Variants in KALRN observed in about 807,000 individuals in gnomAD.
The protein encoded by KALRN is kalirin.
In KALRN, 70 loss-of-function variants were observed where a neutral mutation model predicts 353.7. The ratio of observed to expected loss-of-function variants is 0.20; its 90% CI spans 0.16 to 0.24. The LOEUF (loss-of-function observed/expected upper bound fraction) is 0.24, where lower values mean the gene tolerates loss of function less well. KALRN is among the 10% of genes least tolerant of loss of function. KALRN has a pLI of 1.00. For synonymous variants in KALRN, 1,391 were observed against 1,434.8 expected (o/e 0.97, Z 0.69); for missense variants, 2,791 against 3,756.7 (o/e 0.74, Z 6.72).
At chr3:124,438,247 T>C (rs1278993394) in intron 17 of KALRN, among the ~76,000 whole-genome samples, 7 of 152,224 alleles carry the variant, frequency 4.6e-5, no homozygotes, top group Non-Finnish European at 8.8e-5. Context: ...TAGCATGACC[T>C]CTCAGCATCT....
At chr3:124,632,750 C>T (rs200142585) in intron 35 of KALRN, 47 bp downstream of exon 35, 26 of 1,548,300 alleles carry the variant, frequency 1.7e-5, no homozygotes, top group East Asian at 2.3e-5. Flanking sequence ...GGCCTTCTGA[C>T]ATGTCTCCTT....
chr3:124,518,427 C>T, intron 33 of KALRN: 1 of 1,614,178 alleles, frequency 6.2e-7, no homozygotes, highest in Non-Finnish European at 8.5e-7. Flanking sequence ...TCGGTGGCAC[C>T]TGGGACCTGG....
At chr3:124,541,444 T>G (rs1276362887) in intron 33 of KALRN, among the ~76,000 whole-genome samples, 1 of 151,850 alleles carries the variant, frequency 6.6e-6, no homozygotes, top group African/African-American at 2.4e-5. Context: ...AGTGAGACTC[T>G]ATCTCAAAAA....
At chr3:124,091,099 C>T (rs1047646733) in intron 1 of KALRN, among the ~76,000 whole-genome samples, 17 of 152,226 alleles carry the variant, frequency 1.1e-4, no homozygotes, top group South Asian at 8.3e-4. Flanking sequence ...TTCCACTCCA[C>T]CACTTGGGCG....
At chr3:124,454,759 A>G (rs1366673526) in intron 21 of KALRN, among the ~76,000 whole-genome samples, 1 of 152,200 alleles carries the variant, frequency 6.6e-6, no homozygotes, top group Non-Finnish European at 1.5e-5. Flanking sequence ...CATACGGAAT[A>G]ACAACTATTT....
At chr3:124,644,374 C>T (rs2082452069) in intron 37 of KALRN, among the ~76,000 whole-genome samples, 1 of 151,834 alleles carries the variant, frequency 6.6e-6, no homozygotes, top group Admixed American at 6.6e-5. Context: ...ATGTGCAGAG[C>T]GTGCAGGTTT....
chr3:124,305,252 C>G (rs2077592418), intron 6 of KALRN, among the ~76,000 whole-genome samples: 1 of 152,148 alleles, frequency 6.6e-6, no homozygotes, highest in Non-Finnish European at 1.5e-5. Flanking sequence ...CAAAAATGCT[C>G]TTAGGGAGGT....
At chr3:124,051,903 G>A (rs939235168) in intron 1 of KALRN, among the ~76,000 whole-genome samples, 5 of 152,158 alleles carry the variant, frequency 3.3e-5, no homozygotes, top group East Asian at 1.9e-4. Flanking sequence ...GCTGGGTTTC[G>A]GAAGAACAGT....
At chr3:124,152,686 C>T (rs779812780) in intron 1 of KALRN, among the ~76,000 whole-genome samples, 6 of 150,432 alleles carry the variant, frequency 4.0e-5, no homozygotes, top group Middle Eastern at 3.5e-3. Context: ...CTCTGCTGCC[C>T]GGGTTCAAGC....
intron 15 of KALRN, among the ~76,000 whole-genome samples, chr3:124,424,293 C>G (rs1400550934): frequency 6.6e-6 from 1 of 152,042 alleles, no homozygotes; most frequent in Non-Finnish European, 1.5e-5. Flanking sequence ...GCTGCTGGAG[C>G]TTTTACCTTT....
At chr3:124,695,232 G>T (rs2150607017) in intron 53 of KALRN, among the ~76,000 whole-genome samples, 1 of 147,924 alleles carries the variant, frequency 6.8e-6, no homozygotes, top group Non-Finnish European at 1.5e-5. Flanking sequence ...CCCAATCATT[G>T]TGTCAGCATT....
intron 34 of KALRN, among the ~76,000 whole-genome samples, chr3:124,571,274 A>G (rs1047839758): frequency 1.1e-4 from 16 of 152,354 alleles, no homozygotes; most frequent in Admixed American, 1.0e-3. Flanking sequence ...ATTAAATTCA[A>G]CAATCCTGAC....
intron 19 of KALRN, among the ~76,000 whole-genome samples, chr3:124,444,868 A>G (rs1226146270): frequency 6.6e-6 from 1 of 152,154 alleles, no homozygotes; most frequent in Non-Finnish European, 1.5e-5. Context: ...ACTTAGCCTA[A>G]AAGATGAAAA....
At chr3:124,707,077 G>A (rs577043927) in intron 57 of KALRN, among the ~76,000 whole-genome samples, 35 of 151,186 alleles carry the variant, frequency 2.3e-4, no homozygotes, top group Admixed American at 6.6e-4. Flanking sequence ...GGTGGCTCAC[G>A]CCTGTAATCC....
intron 10 of KALRN, among the ~76,000 whole-genome samples, chr3:124,358,039 T>A (rs894690693): frequency 2.0e-5 from 3 of 152,170 alleles, no homozygotes; most frequent in Non-Finnish European, 4.4e-5. Flanking sequence ...CATAACTGAG[T>A]ACTCTCCTGA....
At chr3:124,357,278 T>C (rs1447873407) in intron 10 of KALRN, among the ~76,000 whole-genome samples, 1 of 152,228 alleles carries the variant, frequency 6.6e-6, no homozygotes, top group Non-Finnish European at 1.5e-5. Context: ...TGCAATATCC[T>C]TCTGTTTTCC....
intron 1 of KALRN, among the ~76,000 whole-genome samples, chr3:124,070,254 A>C (rs781209427): frequency 1.3e-5 from 2 of 152,122 alleles, no homozygotes; most frequent in Non-Finnish European, 2.9e-5. Flanking sequence ...TGGCTGAAAA[A>C]CTTGCAGTCT....
chr3:124,700,627 C>G (rs2062276503), intron 56 of KALRN, among the ~76,000 whole-genome samples: 1 of 152,114 alleles, frequency 6.6e-6, no homozygotes, highest in Non-Finnish European at 1.5e-5. Context: ...ATCTTCGTCC[C>G]AGGGACATTT....
At chr3:124,133,472 C>A (rs2065551874) in intron 1 of KALRN, among the ~76,000 whole-genome samples, 2 of 152,328 alleles carry the variant, frequency 1.3e-5, no homozygotes, top group East Asian at 1.9e-4. Context: ...AAGCACAGAG[C>A]CCCGGAGGTA....
Sources: gnomAD v4.1 joint callset for allele counts (sites outside exome capture counted in the v4.1 genomes callset) on GRCh38, gnomAD v4.1.1 for gene constraint, MANE v1.5 for transcripts, NCBI Gene and HGNC (gene_info 2026-07-23, HGNC 2026-07-21) for gene names.